The following FBXL17 variants were observed in gnomAD, a reference collection of about 807,000 sequenced individuals.
The protein encoded by FBXL17 is F-box/LRR-repeat protein 17.
Under a neutral mutation model 66.2 loss-of-function variants are expected in FBXL17, and 22 were observed. That is an observed-to-expected ratio of 0.33 (90% CI 0.24 to 0.47). The LOEUF (loss-of-function observed/expected upper bound fraction) is 0.47. Among genes scored for constraint, FBXL17 ranks in the 20% least tolerant of loss-of-function variants. The pLI is 1.00. For synonymous variants in FBXL17, 474 were observed against 400.5 expected (o/e 1.18, Z -2.19); for missense variants, 878 against 948.2 (o/e 0.93, Z 0.97).
intron 1 of FBXL17, among the ~76,000 whole-genome samples, chr5:108,380,457 C>T (rs531025994): frequency 6.6e-6 from 1 of 152,248 alleles, no homozygotes; most frequent in South Asian, 2.1e-4. Context: ...ATAGCTGAAC[C>T]CTGAATGGTG....
chr5:108,244,534 G>T (rs553040678), intron 4 of FBXL17, among the ~76,000 whole-genome samples: 2 of 152,234 alleles, frequency 1.3e-5, no homozygotes, highest in South Asian at 2.1e-4. Flanking sequence ...CTTAACAAGG[G>T]CTACCCACTA....
At chr5:108,141,981 G>A (rs1412074285) in intron 6 of FBXL17, among the ~76,000 whole-genome samples, 1 of 152,180 alleles carries the variant, frequency 6.6e-6, no homozygotes, top group African/African-American at 2.4e-5. Flanking sequence ...CACTCTCTGT[G>A]TTTTAATTAT....
At chr5:108,083,323 A>G (rs1748846665) in intron 6 of FBXL17, among the ~76,000 whole-genome samples, 1 of 151,994 alleles carries the variant, frequency 6.6e-6, no homozygotes, top group South Asian at 2.1e-4. Context: ...AATATTTTCC[A>G]TTCCTTCCTT....
chr5:108,330,172 C>T (rs1760055545), intron 4 of FBXL17, among the ~76,000 whole-genome samples: 1 of 152,088 alleles, frequency 6.6e-6, no homozygotes, highest in Admixed American at 6.5e-5. Flanking sequence ...ATCATGTATG[C>T]CCTAGCTTTC....
At chr5:108,295,572 C>T (rs1758311579) in intron 4 of FBXL17, among the ~76,000 whole-genome samples, 1 of 151,944 alleles carries the variant, frequency 6.6e-6, no homozygotes, top group African/African-American at 2.4e-5. Flanking sequence ...AAGCACTATC[C>T]TTAAGACTTG....
intron 7 of FBXL17, among the ~76,000 whole-genome samples, chr5:107,914,741 T>C (rs1750071637): frequency 6.6e-6 from 1 of 152,210 alleles, no homozygotes. Context: ...TTGTAGCCCT[T>C]TCTGCTACCA....
At chr5:108,301,123 G>A (rs1164523290) in intron 4 of FBXL17, among the ~76,000 whole-genome samples, 1 of 151,592 alleles carries the variant, frequency 6.6e-6, no homozygotes, top group Non-Finnish European at 1.5e-5. Context: ...ATGCCTCTGA[G>A]CATATGAAAA....
At chr5:108,252,774 CT>C (rs1756411090) in intron 4 of FBXL17, among the ~76,000 whole-genome samples, 1 of 152,146 alleles carries the variant, frequency 6.6e-6, no homozygotes, top group African/African-American at 2.4e-5. Flanking sequence ...CCAAATTTCT[CT>C]GACAGCAGAG....
At chr5:108,373,376 AT>A (rs1402590030) in intron 1 of FBXL17, among the ~76,000 whole-genome samples, 7 of 141,514 alleles carry the variant, frequency 4.9e-5, no homozygotes, top group South Asian at 2.1e-4. Context: ...ATATAAATAT[AT>A]ATCTAAATAT....
chr5:108,320,683 A>T (rs546691245), intron 4 of FBXL17, among the ~76,000 whole-genome samples: 2 of 151,930 alleles, frequency 1.3e-5, no homozygotes, highest in East Asian at 3.9e-4. Context: ...ATTAGATATC[A>T]GTTACTAAAT....
intron 7 of FBXL17, among the ~76,000 whole-genome samples, chr5:107,893,762 G>A (rs1460693193): frequency 1.3e-5 from 2 of 152,140 alleles, no homozygotes; most frequent in African/African-American, 4.8e-5. Flanking sequence ...CACCTAGGTG[G>A]TATTTCTTTC....
chr5:108,044,117 G>A (rs552942229), intron 6 of FBXL17, among the ~76,000 whole-genome samples: 5 of 151,950 alleles, frequency 3.3e-5, no homozygotes, highest in Admixed American at 6.6e-5. Flanking sequence ...TAAACAATTC[G>A]GTCATCTGTA....
chr5:107,885,794 C>T (rs1190234002), intron 7 of FBXL17, among the ~76,000 whole-genome samples: 1 of 151,944 alleles, frequency 6.6e-6, no homozygotes, highest in Non-Finnish European at 1.5e-5. Context: ...TACTGTGTAA[C>T]TATAAAGGTT....
Position 107,967,963 on chromosome 5 carries a change from G to A in FBXL17, c.1822+52962C>T, listed in dbSNP as rs74477044. ...CTTTAACAGGGTGGTATTGAAAATA[G>A]CACATTATTTTTTCAGCTTAAAAAA... On this transcript the variant is annotated intron_variant, in intron 7 of 8. Transcript: ENST00000542267. 4.5e-3 allele frequency among the ~76,000 whole-genome samples: 687 copies of A among 152,148 alleles called. 6 individuals are homozygous for A. Among genetic ancestry groups the A allele is most frequent in the African/African-American group, 0.016 (656 of 41,512 alleles).
At chr5:108,335,422 CA>C (rs1320148439) in intron 4 of FBXL17, among the ~76,000 whole-genome samples, 4 of 151,388 alleles carry the variant, frequency 2.6e-5, no homozygotes, top group African/African-American at 9.7e-5. Flanking sequence ...AAGTTACAAG[CA>C]AATTTAATGT....
chr5:107,964,519 C>G (rs1365779103), intron 7 of FBXL17, among the ~76,000 whole-genome samples: 1 of 151,984 alleles, frequency 6.6e-6, no homozygotes, highest in Non-Finnish European at 1.5e-5. Flanking sequence ...GATAAAAATC[C>G]TGAGCCAAGA....
At chr5:108,101,926 A>T (rs1400439653) in intron 6 of FBXL17, among the ~76,000 whole-genome samples, 1 of 151,916 alleles carries the variant, frequency 6.6e-6, no homozygotes, top group African/African-American at 2.4e-5. Context: ...GAAGCAAAAA[A>T]CTCCTTGAGA....
At chr5:108,154,422 C>A (rs1751889538) in intron 6 of FBXL17, among the ~76,000 whole-genome samples, 1 of 150,812 alleles carries the variant, frequency 6.6e-6, no homozygotes, top group Non-Finnish European at 1.5e-5. Flanking sequence ...GAAACCCCGT[C>A]TCTACTAAAA....
intron 6 of FBXL17, among the ~76,000 whole-genome samples, chr5:108,089,751 C>T (rs1018369137): frequency 4.6e-5 from 7 of 152,184 alleles, no homozygotes; most frequent in African/African-American, 1.7e-4. Context: ...CTGCCTCATA[C>T]ACAATAGGCA....
Sources: gnomAD v4.1 joint callset for allele counts (sites outside exome capture counted in the v4.1 genomes callset) on GRCh38, gnomAD v4.1.1 for gene constraint, MANE v1.5 for transcripts, NCBI Gene and HGNC (gene_info 2026-07-23, HGNC 2026-07-21) for gene names.